The following ZNF346 variants were observed in gnomAD, a reference collection of about 807,000 sequenced individuals.
The protein encoded by ZNF346 is zinc finger protein 346.
A neutral mutation model predicts 33.7 loss-of-function variants in ZNF346; 23 were observed. The observed-to-expected ratio is 0.68, with a 90% CI of 0.49 to 0.97. ZNF346 has a LOEUF of 0.97. ZNF346 is among the 50% of genes least tolerant of loss of function. The pLI, the probability that ZNF346 is intolerant of heterozygous loss-of-function variation, is 0.00. For synonymous variants in ZNF346, 134 were observed against 142.4 expected (o/e 0.94, Z 0.42); for missense variants, 340 against 371.1 (o/e 0.92, Z 0.69).
chr5:177,059,368 TC>T (rs1782177555), intron 5 of ZNF346, among the ~76,000 whole-genome samples: 1 of 152,118 alleles, frequency 6.6e-6, no homozygotes, highest in Non-Finnish European at 1.5e-5. Flanking sequence ...TTCCTGAGGG[TC>T]CCTGACAAGT....
chr5:177,058,249 C>T (rs1179605950), intron 5 of ZNF346, among the ~76,000 whole-genome samples: 1 of 150,740 alleles, frequency 6.6e-6, no homozygotes, highest in Non-Finnish European at 1.5e-5. Flanking sequence ...CTGAGGCAGG[C>T]GGATCACCTG....
At chr5:177,027,295 C>T (rs1008113640) in intron 1 of ZNF346, among the ~76,000 whole-genome samples, 99 of 152,084 alleles carry the variant, frequency 6.5e-4, no homozygotes, top group African/African-American at 1.9e-3. Flanking sequence ...TCAGGTGATC[C>T]GCCTCAGCCT....
chr5:177,040,781 A>G (rs968696638), intron 1 of ZNF346, among the ~76,000 whole-genome samples: 1 of 152,220 alleles, frequency 6.6e-6, no homozygotes, highest in Non-Finnish European at 1.5e-5. Flanking sequence ...AAAACCTCTC[A>G]GCACAGTTGC....
At chr5:177,075,789 C>T (rs543766890) in intron 8 of ZNF346, among the ~76,000 whole-genome samples, 10 of 152,232 alleles carry the variant, frequency 6.6e-5, no homozygotes, top group South Asian at 6.2e-4. Context: ...TGGGTTCAAA[C>T]GATTCTCCTG....
At chr5:177,073,277 A>G (rs925815885) in intron 8 of ZNF346, among the ~76,000 whole-genome samples, 43 of 152,176 alleles carry the variant, frequency 2.8e-4, no homozygotes, top group Non-Finnish European at 4.4e-5. Flanking sequence ...GGTAGGGACC[A>G]TTGCTGGGAT....
chr5:177,069,478 T>A (rs1224446992), downstream of ZNF346, among the ~76,000 whole-genome samples: 1 of 152,094 alleles, frequency 6.6e-6, no homozygotes, highest in Non-Finnish European at 1.5e-5. Flanking sequence ...AGTTGAGTTT[T>A]TTCGTGCTGT....
intron 1 of ZNF346, among the ~76,000 whole-genome samples, chr5:177,023,891 T>C (rs1776281092): frequency 6.6e-6 from 1 of 151,766 alleles, no homozygotes; most frequent in Non-Finnish European, 1.5e-5. Flanking sequence ...TTGGATAAAA[T>C]TGAAATTTTG....
intron 5 of ZNF346, chr5:177,051,777 T>C (rs1780955912): frequency 6.6e-6 from 1 of 152,054 alleles, no homozygotes; most frequent in Non-Finnish European, 1.5e-5. Flanking sequence ...GACCTCGTGA[T>C]CCGTCCGCCT....
At chr5:177,023,019 C>T in intron 1 of ZNF346, 106 bp downstream of exon 1, 1 of 1,437,478 alleles carries the variant, frequency 7.0e-7, no homozygotes, top group South Asian at 1.4e-5. Context: ...TCCTTGCGTG[C>T]TGCGCCCCGG....
intron 5 of ZNF346, among the ~76,000 whole-genome samples, chr5:177,054,520 T>C (rs1238998927): frequency 1.3e-5 from 2 of 152,104 alleles, no homozygotes; most frequent in Non-Finnish European, 2.9e-5. Flanking sequence ...TGCCTCAGCC[T>C]CCCGTGTAGC....
At chr5:177,031,756 C>A (rs1777730871) in intron 1 of ZNF346, among the ~76,000 whole-genome samples, 1 of 152,004 alleles carries the variant, frequency 6.6e-6, no homozygotes, top group Non-Finnish European at 1.5e-5. Context: ...GAAGTTTTTC[C>A]ATAATCTCTG....
downstream of ZNF346, among the ~76,000 whole-genome samples, chr5:177,069,182 C>A (rs1165832414): frequency 1.4e-5 from 2 of 142,084 alleles, no homozygotes; most frequent in African/African-American, 3.0e-5. Context: ...TTCAGCCAGG[C>A]GCAGTGGCTC....
intron 1 of ZNF346, among the ~76,000 whole-genome samples, chr5:177,038,256 G>GTTTTTTT (rs748931641): frequency 1.5e-5 from 2 of 132,268 alleles, no homozygotes; most frequent in South Asian, 2.6e-4. Context: ...GCCCAACTAC[G>GTTTTTTT]TTTTTTTTTT....
chr5:177,060,756 A>G (rs1376115169), intron 5 of ZNF346, among the ~76,000 whole-genome samples: 5 of 151,304 alleles, frequency 3.3e-5, no homozygotes, highest in Non-Finnish European at 7.4e-5. Context: ...TGCAGGGAGC[A>G]GAGATCACGC....
chr5:177,043,250 C>G (rs1779597665), intron 3 of ZNF346, among the ~76,000 whole-genome samples: 1 of 152,186 alleles, frequency 6.6e-6, no homozygotes, highest in Admixed American at 6.5e-5. Context: ...CCTCCCACCT[C>G]AGGCTCCCAA....
intron 5 of ZNF346, among the ~76,000 whole-genome samples, chr5:177,058,734 C>T (rs1429598783): frequency 6.6e-6 from 1 of 152,152 alleles, no homozygotes; most frequent in South Asian, 2.1e-4. Context: ...CTCCTTCCAC[C>T]TGCCTCCAGC....
rs534413032 is a variant in ZNF346 at position 177,027,392 on chromosome 5, C to A, written c.175+4479C>A. 1.5e-3 allele frequency among the ~76,000 whole-genome samples: 229 copies of A among 151,886 alleles called. 1 individual carries two copies. The highest frequency in any genetic ancestry group is 9.2e-4 in the Admixed American group (14 of 15,250). Reference sequence around the variant, plus strand: ...ACCTGCCTGGGCAACGTGGAGAAACCCTGTAAATTTTTGTAAAATTTGTGT... The same window carrying A: ...ACCTGCCTGGGCAACGTGGAGAAACACTGTAAATTTTTGTAAAATTTGTGT... On this transcript the variant is annotated intron_variant, in intron 1 of 6. Coordinates refer to ENST00000358149, the MANE Select transcript of ZNF346 (RefSeq NM_012279.4).
In ZNF346 at chr5:177,064,555, CA is replaced by C. The variant is rs1356130748; in HGVS notation, c.844del (p.Arg282GlyfsTer27). On this transcript the variant is annotated frameshift_variant, in exon 7 of 7. Coordinates refer to ENST00000358149, the MANE Select transcript of ZNF346 (RefSeq NM_012279.4). LOFTEE classifies it high-confidence loss of function. ...ATCATCCCTGGGCCAGATTCCAATG[CA>C]AAGGCAACCCATTCAGAAAGACTCA... The part of the protein sequence containing the change: ...VASSLGQIPM[Q>X]RQPIQKDSTT... The C allele has an allele frequency of 6.2e-7, 1 of 1,614,242 alleles. No homozygotes were observed. The highest frequency in any genetic ancestry group is 8.5e-7 in the Non-Finnish European group (1 of 1,180,032).
At chr5:177,039,217 G>C (rs910519772) in intron 1 of ZNF346, among the ~76,000 whole-genome samples, 3 of 151,980 alleles carry the variant, frequency 2.0e-5, no homozygotes, top group Non-Finnish European at 4.4e-5. Context: ...TAAAAGTTCT[G>C]GGCCAATTTT....
Sources: allele counts gnomAD v4.1 joint callset (sites outside exome capture counted in the v4.1 genomes callset), GRCh38; gene constraint gnomAD v4.1.1; transcripts MANE v1.5; gene names NCBI Gene and HGNC (gene_info 2026-07-23, HGNC 2026-07-21).